LRP5: variants seen among roughly 807,000 people sequenced by gnomAD.
LRP5 encodes the protein LDL receptor related protein 5.
LRP5 carries 62 observed loss-of-function variants against 154.1 expected under a neutral mutation model. That is an observed-to-expected ratio of 0.40 (90% CI 0.33 to 0.50). LRP5 has a LOEUF of 0.50. Among genes scored for constraint, LRP5 ranks in the 20% least tolerant of loss-of-function variants. LRP5 has a pLI of 0.55. For missense variants in LRP5, 1,915 were observed against 2,336.7 expected, an observed-to-expected ratio of 0.82 and a Z score of 3.72; for synonymous variants, 966 against 1,011.5, an observed-to-expected ratio of 0.96 and a Z score of 0.85.
intron 12 of LRP5, among the ~76,000 whole-genome samples, chr11:68,416,066 A>G (rs1376177336): frequency 1.3e-5 from 2 of 151,964 alleles, no homozygotes; most frequent in Admixed American, 6.6e-5. Flanking sequence ...AAAAAAAAAT[A>G]AATAAATAAA....
In LRP5 at chr11:68,330,288, C is replaced by T. The variant is rs1303135414; in HGVS notation, c.91+17483C>T. Among the ~76,000 whole-genome samples, 9 of 148,764 alleles carry T rather than the reference C, an allele frequency of 6.0e-5. No homozygotes were observed. In the East Asian group the frequency reaches 1.9e-3, roughly 31 times the overall value. ...GCCACTGCAATGAGATACAGACGTT[C>T]GCCCAATTAAAACACAGTTAGTGGA... On this transcript the variant is annotated intron_variant, in intron 1 of 22. Transcript: ENST00000294304.
At chr11:68,437,418 C>G (rs2098675647) in intron 19 of LRP5, among the ~76,000 whole-genome samples, 1 of 152,226 alleles carries the variant, frequency 6.6e-6, no homozygotes, top group South Asian at 2.1e-4. Context: ...ATGACAACAT[C>G]CCACATGCTC....
chr11:68,426,311 C>T, intron 16 of LRP5, 124 bp downstream of exon 16: 1 of 762,494 alleles, frequency 1.3e-6, no homozygotes. Flanking sequence ...CAGATGCCAA[C>T]TGTTGCCCGC....
At chr11:68,321,694 G>A (rs189649129) in intron 1 of LRP5, among the ~76,000 whole-genome samples, 148 of 152,274 alleles carry the variant, frequency 9.7e-4, no homozygotes, top group African/African-American at 3.4e-3. Context: ...ACTAATTTTA[G>A]CATTAGCCCG....
intron 7 of LRP5, among the ~76,000 whole-genome samples, chr11:68,395,401 C>T (rs2098648723): frequency 6.6e-6 from 1 of 151,788 alleles, no homozygotes. Context: ...ACCCTGTGGT[C>T]ATGCACTGGA....
chr11:68,440,773 C>CTT (rs1350013604), intron 21 of LRP5, among the ~76,000 whole-genome samples: 1 of 148,940 alleles, frequency 6.7e-6, no homozygotes, highest in Non-Finnish European at 1.5e-5. Flanking sequence ...TTTTCTTTTT[C>CTT]TTTTTTTTTT....
rs948802755 is a variant in LRP5, at chr11:68,353,483, C to T, written c.489-4167C>T. On this transcript the variant is annotated intron_variant, in intron 2 of 22. Coordinates refer to ENST00000294304, the MANE Select transcript of LRP5 (RefSeq NM_002335.4). This position sits in a 1 kb window ranked among gnomAD's most constrained non-coding sequence, Gnocchi z 4.5. ...GGATTCCAGCCTGTCACAGCGCCCG[C>T]GGCAGCAACCCCTGCTCGCCAAATA... Among the ~76,000 whole-genome samples the T allele has an allele frequency of 2.2e-4, 34 of 152,170 alleles. No individual in the cohort carries two copies. The highest frequency in any genetic ancestry group is 3.9e-4 in the East Asian group (2 of 5,194).
At position 68,438,493 on chromosome 11, in the gene LRP5, A is replaced by G; in HGVS notation, c.4159A>G (p.Ile1387Val). Residue 1387 changes from isoleucine to valine, a missense_variant, in exon 20 of 23, where the codon ATC (isoleucine) becomes GTC (valine). Physicochemically the swap from Ile to Val is conservative, Grantham distance 29. This residue lies in a region of LRP5 where 1,094 missense variants were observed against 1,210.1 expected (regional missense o/e 0.90). Coordinates refer to ENST00000294304, the MANE Select transcript of LRP5 (RefSeq NM_002335.4). The part of the protein sequence containing the change: ...SDDSPAHSSA[I>V]GPVIGIILSL... ...CGACAGCCCGGCCCACAGCAGTGCC[A>G]TCGGGCCCGTCATTGGCATCATCCT... The G allele has an allele frequency of 6.2e-7, 1 of 1,614,168 alleles. No individual in the cohort carries two copies. Among genetic ancestry groups the G allele is most frequent in the Non-Finnish European group, 8.5e-7 (1 of 1,180,000 alleles).
At chr11:68,437,486 GACAGTCAGGGAAGACTTTC>G (rs2098675681) in intron 19 of LRP5, among the ~76,000 whole-genome samples, 1 of 152,232 alleles carries the variant, frequency 6.6e-6, no homozygotes, top group African/African-American at 2.4e-5. Context: ...AGGAGGCCAA[GACAGTCAGGGAAGACTTTC>G]CAGAGGCAGT....
intron 1 of LRP5, among the ~76,000 whole-genome samples, chr11:68,320,444 T>G (rs2098596091): frequency 6.6e-6 from 1 of 151,976 alleles, no homozygotes. Flanking sequence ...TTCTTTTCTT[T>G]TTTCTTCTTC....
chr11:68,370,604 G>A (rs1236795610), intron 5 of LRP5, among the ~76,000 whole-genome samples: 1 of 152,220 alleles, frequency 6.6e-6, no homozygotes, highest in African/African-American at 2.4e-5. Context: ...GGGCCGCAGG[G>A]CTGAGCACGC....
Position 68,411,488 on chromosome 11 carries a change from A to G in LRP5, c.2371A>G (p.Met791Val), listed in dbSNP as rs1229615060. Reference protein sequence around the residue: ...GGKPRIVRAFMDGTNCMTLVD... With the variant: ...GGKPRIVRAFVDGTNCMTLVD... ...CAAGCCGAGGATCGTGCGGGCCTTC[A>G]TGGACGGGACCAACTGCATGACGCT... The change falls in exon 11 of 23, where the codon ATG becomes GTG. Residue 791 changes from methionine (M) to valine (V), a missense_variant. By Grantham distance (21) the Met-to-Val change is conservative. This residue lies in a region of LRP5 where 773 missense variants were observed against 1,100.9 expected (regional missense o/e 0.70). Transcript: ENST00000294304. The G allele has an allele frequency of 3.1e-6, 5 of 1,613,556 alleles. No homozygotes were observed. Among genetic ancestry groups the G allele is most frequent in the South Asian group, 1.1e-5 (1 of 91,072 alleles).
intron 1 of LRP5, among the ~76,000 whole-genome samples, chr11:68,332,816 G>A (rs907296977): frequency 2.0e-5 from 3 of 152,140 alleles, no homozygotes; most frequent in Non-Finnish European, 4.4e-5. Flanking sequence ...AGGGATGTTG[G>A]GGGAATTGGT....
At chr11:68,300,647 C>G in the LRP5 span, among the ~76,000 whole-genome samples, 1 of 149,476 alleles carries the variant, frequency 6.7e-6, no homozygotes, top group Admixed American at 6.7e-5. Flanking sequence ...AGAGGCCATA[C>G]GGATGCCTCC....
intron 3 of LRP5, among the ~76,000 whole-genome samples, chr11:68,359,572 C>T (rs777766756): frequency 2.6e-4 from 39 of 152,242 alleles, no homozygotes; most frequent in Middle Eastern, 3.4e-3. Flanking sequence ...GTGGCGGTGG[C>T]GGCAGCGAAT....
At chr11:68,392,961 C>CA (rs2098647191) in intron 7 of LRP5, among the ~76,000 whole-genome samples, 1 of 151,934 alleles carries the variant, frequency 6.6e-6, no homozygotes, top group Middle Eastern at 3.4e-3. Context: ...CCCCAGCTAC[C>CA]AAAAAATTTT....
rs954913348 is a variant in LRP5, at chr11:68,413,057, G to C, written c.2504-632G>C. The C allele has an allele frequency of 2.2e-5, 4 of 185,454 alleles. No homozygotes were observed. Among genetic ancestry groups the C allele is most frequent in the Non-Finnish European group, 3.4e-5 (3 of 87,544 alleles). 11.5% of individuals were successfully genotyped at this position (185,454 alleles called of 1,614,324 possible). A position where few individuals can be genotyped will look rare whatever the true frequency, so the allele number is the denominator to read the frequency against. ...GTGAGGCCAGTAGCAAGGTTTGCAC[G>C]TGACTTCGTGACCGTCACCCAGCTC... On this transcript the variant is annotated intron_variant, in intron 11 of 22. Coordinates refer to ENST00000294304, the MANE Select transcript of LRP5 (RefSeq NM_002335.4). This position sits in a 1 kb window ranked among gnomAD's most constrained non-coding sequence, Gnocchi z 5.1.
chr11:68,430,439 TG>T (rs1390956977), intron 17 of LRP5, among the ~76,000 whole-genome samples: 2 of 152,216 alleles, frequency 1.3e-5, no homozygotes, highest in African/African-American at 4.8e-5. Flanking sequence ...CCCAAAGTGC[TG>T]GGATTATAGG....
intron 2 of LRP5, 38 bp downstream of exon 2, chr11:68,348,281 G>A (rs763880289): frequency 1.6e-5 from 25 of 1,599,604 alleles, no homozygotes; most frequent in East Asian, 2.2e-5. Flanking sequence ...TCCAGGGGGC[G>A]GGGAGTGTCA....
Sources: allele counts gnomAD v4.1 joint callset (sites outside exome capture counted in the v4.1 genomes callset), GRCh38; gene constraint gnomAD v4.1.1; regional missense constraint gnomAD v4.1.1; non-coding constraint Gnocchi (gnomAD v3.1); transcripts MANE v1.5; gene names NCBI Gene and HGNC (gene_info 2026-07-23, HGNC 2026-07-21).